CADPS2: variants seen among roughly 807,000 people sequenced by gnomAD.
CADPS2 encodes the protein calcium-dependent secretion activator 2.
In CADPS2, 93 loss-of-function variants were observed where a neutral mutation model predicts 172.5. The observed-to-expected ratio is 0.54, with a 90% CI of 0.46 to 0.64. CADPS2 has a LOEUF of 0.64. Ranked by LOEUF, CADPS2 falls within the 30% of genes least tolerant of loss-of-function variation. The pLI is 0.00. For missense variants in CADPS2, 1,420 were observed against 1,565.9 expected, an observed-to-expected ratio of 0.91 and a Z score of 1.57; for synonymous variants, 546 against 555.2, an observed-to-expected ratio of 0.98 and a Z score of 0.23.
chr7:122,780,530 C>T lies in CADPS2; in HGVS notation c.340-43462G>A, dbSNP rs140935630. 1.4e-4 allele frequency among the ~76,000 whole-genome samples: 21 copies of T among 152,136 alleles called. No homozygotes were observed. In the East Asian group the frequency reaches 2.3e-3, roughly 17 times the overall value. On this transcript the variant is annotated intron_variant, in intron 1 of 29. Transcript: ENST00000449022. ...CCACCACCCTGTCCCATCAATAATC[C>T]GATTTAGCCCATTCTGGGTTTGTTT...
At chr7:122,561,137 T>C (rs538428777) in intron 7 of CADPS2, among the ~76,000 whole-genome samples, 11 of 152,302 alleles carry the variant, frequency 7.2e-5, no homozygotes, top group African/African-American at 2.4e-4. Flanking sequence ...GACACAGTGC[T>C]CTTTTGTATA....
intron 8 of CADPS2, 141 bp downstream of exon 8, chr7:122,554,409 T>A: frequency 1.3e-6 from 1 of 766,352 alleles, no homozygotes; most frequent in Non-Finnish European, 2.0e-6. Flanking sequence ...AAACATTGAG[T>A]AAGATAACTT....
intron 8 of CADPS2, among the ~76,000 whole-genome samples, chr7:122,544,597 G>T (rs1197979629): frequency 1.3e-5 from 2 of 152,156 alleles, no homozygotes; most frequent in East Asian, 3.9e-4. Flanking sequence ...CTGAAACCCA[G>T]GTCAGCACAA....
chr7:122,506,264 G>A (rs1016982109), intron 9 of CADPS2, among the ~76,000 whole-genome samples: 4 of 152,094 alleles, frequency 2.6e-5, no homozygotes, highest in Admixed American at 6.6e-5. Flanking sequence ...AATTGAAATC[G>A]AAAATCCCTT....
chr7:122,341,701 T>C (rs762375369), intron 28 of CADPS2, among the ~76,000 whole-genome samples: 11 of 152,220 alleles, frequency 7.2e-5, no homozygotes, highest in Admixed American at 1.3e-4. Context: ...ACTTATCTTC[T>C]CTGAGTGGGA....
At chr7:122,709,668 C>G (rs1332202047) in intron 2 of CADPS2, among the ~76,000 whole-genome samples, 1 of 152,004 alleles carries the variant, frequency 6.6e-6, no homozygotes, top group Admixed American at 6.6e-5. Context: ...AAATGTCCAA[C>G]AATGATAGAC....
intron 17 of CADPS2, among the ~76,000 whole-genome samples, chr7:122,422,636 T>C (rs1275780615): frequency 6.6e-6 from 1 of 152,126 alleles, no homozygotes; most frequent in Non-Finnish European, 1.5e-5. Flanking sequence ...TCATCAATGT[T>C]AGATGCCTTC....
intron 17 of CADPS2, chr7:122,424,443 A>G: frequency 2.6e-6 from 1 of 389,680 alleles, no homozygotes; most frequent in Non-Finnish European, 3.5e-6. Flanking sequence ...CAAACTGAGC[A>G]GTCTCCATAA....
At chr7:122,480,532 T>C (rs375917250) in intron 12 of CADPS2, among the ~76,000 whole-genome samples, 13 of 152,240 alleles carry the variant, frequency 8.5e-5, no homozygotes, top group Non-Finnish European at 1.0e-4. Flanking sequence ...TGTTTTTTTA[T>C]GTAGTGAAAA....
chr7:122,539,152 T>G (rs180717290), intron 8 of CADPS2, among the ~76,000 whole-genome samples: 2 of 152,218 alleles, frequency 1.3e-5, no homozygotes, highest in East Asian at 3.9e-4. Flanking sequence ...TGTCAGACAC[T>G]TAAAACCTAA....
rs528276535 is a variant in CADPS2, at chr7:122,753,211, T to C, written c.340-16143A>G. Among the ~76,000 whole-genome samples, 3 of 152,336 alleles carry C rather than the reference T, an allele frequency of 2.0e-5. No homozygotes were observed. The East Asian group carries it at 5.8e-4, about 29-fold the overall frequency. ...ATAATTAAGTCAAAGATTACTTTTC[T>C]AGGAAAAAGAGATGCATTTTATGCT... On this transcript the variant is annotated intron_variant, in intron 1 of 29. Transcript: ENST00000449022.
intron 9 of CADPS2, among the ~76,000 whole-genome samples, chr7:122,491,713 C>A (rs1008240113): frequency 6.6e-6 from 1 of 152,022 alleles, no homozygotes; most frequent in Non-Finnish European, 1.5e-5. Context: ...CATGTTGATA[C>A]GTTTGGGATC....
At chr7:122,774,100 G>C (rs2093791038) in intron 1 of CADPS2, among the ~76,000 whole-genome samples, 2 of 151,948 alleles carry the variant, frequency 1.3e-5, no homozygotes, top group African/African-American at 4.8e-5. Flanking sequence ...ATAAAAAAGA[G>C]AAAGAATAAC....
At chr7:122,709,205 C>T (rs530165770) in intron 2 of CADPS2, among the ~76,000 whole-genome samples, 280 of 152,112 alleles carry the variant, frequency 1.8e-3, no homozygotes, top group Middle Eastern at 3.4e-3. Context: ...TCAAGATTGT[C>T]CTAAAGCTTA....
At chr7:122,329,138 C>T (rs1191126580) in intron 28 of CADPS2, among the ~76,000 whole-genome samples, 1 of 152,164 alleles carries the variant, frequency 6.6e-6, no homozygotes. Flanking sequence ...GCTATAAACG[C>T]TTGCAGTTCA....
intron 14 of CADPS2, among the ~76,000 whole-genome samples, chr7:122,456,601 C>G (rs2152072702): frequency 6.6e-6 from 1 of 152,218 alleles, no homozygotes; most frequent in South Asian, 2.1e-4. Context: ...AGCAAGTGAA[C>G]ACCAAGTGCA....
Position 122,319,951 on chromosome 7 carries a change from AAAC to A in CADPS2, c.*211_*213del, listed in dbSNP as rs1584978547. 6.2e-6 allele frequency: 1 copy of A among 160,806 alleles called. No homozygotes were observed. 10.0% of individuals were successfully genotyped at this position (160,806 alleles called of 1,614,324 possible). On this transcript the variant is annotated 3_prime_UTR_variant, in exon 30 of 30. Transcript: ENST00000449022. ...CAAAAGAGGATGCTCTTCTCCAAAA[AAAC>A]AAACAAACAAACAAACAAAAAAAGG...
chr7:122,835,700 TAAATG>T (rs1288719459), intron 1 of CADPS2, among the ~76,000 whole-genome samples: 3 of 151,978 alleles, frequency 2.0e-5, no homozygotes, highest in South Asian at 4.2e-4. Context: ...GAAGATCAAA[TAAATG>T]AAATGAAGTG....
intron 28 of CADPS2, among the ~76,000 whole-genome samples, chr7:122,335,644 G>A (rs1585083517): frequency 1.3e-5 from 2 of 152,306 alleles, no homozygotes; most frequent in South Asian, 4.1e-4. Flanking sequence ...AGGCTTGAAA[G>A]AATCTTGTTC....
Sources: gnomAD v4.1 joint callset for allele counts (sites outside exome capture counted in the v4.1 genomes callset) on GRCh38, gnomAD v4.1.1 for gene constraint, MANE v1.5 for transcripts, NCBI Gene and HGNC (gene_info 2026-07-23, HGNC 2026-07-21) for gene names.